The following FUT8 variants were observed in gnomAD, a reference collection of about 807,000 sequenced individuals.
FUT8 encodes fucosyltransferase 8, also known as alpha-(1,6)-fucosyltransferase.
Under a neutral mutation model 71.3 loss-of-function variants are expected in FUT8, and 29 were observed. The ratio of observed to expected loss-of-function variants is 0.41; its 90% CI spans 0.30 to 0.55. FUT8 has a LOEUF of 0.55. FUT8 is among the 20% of genes least tolerant of loss of function. FUT8 has a pLI of 0.34. For synonymous variants in FUT8, 254 were observed against 239.3 expected, an observed-to-expected ratio of 1.06 and a Z score of -0.57; for missense variants, 544 against 702.1, an observed-to-expected ratio of 0.77 and a Z score of 2.55.
At chr14:65,434,464 A>G (rs2065525203) in intron 1 of FUT8, among the ~76,000 whole-genome samples, 1 of 152,248 alleles carries the variant, frequency 6.6e-6, no homozygotes, top group African/African-American at 2.4e-5. Flanking sequence ...AATCGGGGGT[A>G]GTGTCAGTTC....
intron 2 of FUT8, among the ~76,000 whole-genome samples, chr14:65,517,275 C>A (rs1409270971): frequency 6.6e-6 from 1 of 151,960 alleles, no homozygotes; most frequent in Admixed American, 6.6e-5. Flanking sequence ...AGCTAAATAT[C>A]TGAATTTTCA....
In FUT8 at chr14:65,644,361, G is replaced by A. The variant is rs541847073; in HGVS notation, c.597+14755G>A. Among the ~76,000 whole-genome samples the A allele has an allele frequency of 9.2e-5, 14 of 151,878 alleles. No individual in the cohort carries two copies. The East Asian group carries it at 1.7e-3, about 19-fold the overall frequency. ...GCTGGAGTGTAGTGGTGTGATCTCC[G>A]CTCACTGCAAGCTCCACCTCCCAGG... On this transcript the variant is annotated intron_variant, in intron 6 of 10. Transcript: ENST00000673929.
chr14:65,554,357 A>C (rs1885460608), intron 2 of FUT8, among the ~76,000 whole-genome samples: 2 of 149,200 alleles, frequency 1.3e-5, no homozygotes, highest in Non-Finnish European at 3.0e-5. Context: ...ATTCATTTAG[A>C]AGTCTGGTTT....
At chr14:65,692,367 C>CT (rs1594902563) in intron 7 of FUT8, among the ~76,000 whole-genome samples, 1 of 147,408 alleles carries the variant, frequency 6.8e-6, no homozygotes, top group South Asian at 2.2e-4. Flanking sequence ...GCTGACCCCC[C>CT]CACCTCCCTC....
Position 65,646,399 on chromosome 14 carries a change from A to G in FUT8, c.597+16793A>G, listed in dbSNP as rs1290594056. On this transcript the variant is annotated intron_variant, in intron 6 of 10. Transcript: ENST00000673929. ...TGAGTTCTGTCTCTAATACAAAGAT[A>G]TAACAGAGAATGTCCAGATTGCCTC... 3 of 152,260 alleles carry G rather than the reference A, an allele frequency of 2.0e-5. No individual in the cohort carries two copies. In the East Asian group the frequency reaches 5.8e-4, roughly 29 times the overall value. 9.4% of individuals were successfully genotyped at this position (152,260 alleles called of 1,614,324 possible). A position where few individuals can be genotyped will look rare whatever the true frequency, so the allele number is the denominator to read the frequency against.
At chr14:65,672,425 A>G (rs1444904276) in intron 7 of FUT8, among the ~76,000 whole-genome samples, 2 of 152,152 alleles carry the variant, frequency 1.3e-5, no homozygotes, top group African/African-American at 2.4e-5. Context: ...TATGTTTAAT[A>G]GTTTGAAGTA....
rs1257819989 is a variant in FUT8, at chr14:65,743,768, C to T, written c.*1358C>T. 1 of 151,834 alleles carries T rather than the reference C, an allele frequency of 6.6e-6. No homozygotes were observed. Among genetic ancestry groups the T allele is most frequent in the African/African-American group, 2.4e-5 (1 of 41,384 alleles). 9.4% of individuals were successfully genotyped at this position (151,834 alleles called of 1,614,324 possible). A position where few individuals can be genotyped will look rare whatever the true frequency, so the allele number is the denominator to read the frequency against. ...CACTTCAGAAAATAAGACTTTGATG[C>T]TTTGTCTCTGAGCATCATTTTTCTC... On this transcript the variant is annotated 3_prime_UTR_variant, in exon 11 of 11. Transcript: ENST00000673929.
intron 2 of FUT8, among the ~76,000 whole-genome samples, chr14:65,499,121 C>T (rs1237373433): frequency 6.6e-6 from 1 of 152,180 alleles, no homozygotes; most frequent in Non-Finnish European, 1.5e-5. Context: ...CTGTATGTTG[C>T]CCAGGCTGGC....
rs1423986218 is a variant in FUT8 at position 65,603,061 on chromosome 14, A to G, written c.204-12917A>G. Reference sequence around the variant, plus strand: ...GCTTTTGAAGTCTTCGCCTAAGCCAATGTCTAGAAGGATTTTTTCCGATGT... The same window carrying G: ...GCTTTTGAAGTCTTCGCCTAAGCCAGTGTCTAGAAGGATTTTTTCCGATGT... On this transcript the variant is annotated intron_variant, in intron 3 of 10. Transcript: ENST00000673929. The surrounding 1 kb of genome is among the most constrained non-coding windows in gnomAD (Gnocchi z 4.5). 1.3e-5 allele frequency among the ~76,000 whole-genome samples: 2 copies of G among 151,864 alleles called. No individual in the cohort carries two copies. The highest frequency in any genetic ancestry group is 2.9e-5 in the Non-Finnish European group (2 of 67,926).
At chr14:65,636,709 GAGA>G (rs1566867136) in intron 6 of FUT8, 1 of 152,058 alleles carries the variant, frequency 6.6e-6, no homozygotes, top group African/African-American at 2.4e-5. Context: ...GCTCAGTTGT[GAGA>G]AGAAGTTTGG....
At chr14:65,557,361 C>T (rs1190317059) in intron 2 of FUT8, among the ~76,000 whole-genome samples, 3 of 150,368 alleles carry the variant, frequency 2.0e-5, no homozygotes, top group African/African-American at 7.3e-5. Context: ...GAGACAGAGC[C>T]TTGCTCTGTC....
chr14:65,495,825 G>T (rs1294922457), intron 2 of FUT8, among the ~76,000 whole-genome samples: 1 of 152,080 alleles, frequency 6.6e-6, no homozygotes, highest in Non-Finnish European at 1.5e-5. Flanking sequence ...GGGTAAGGAG[G>T]TATTTTGGAA....
chr14:65,561,544 A>T lies in FUT8; in HGVS notation c.-20A>T. 1 of 1,611,492 alleles carries T rather than the reference A, an allele frequency of 6.2e-7. No homozygotes were observed. The highest frequency in any genetic ancestry group is 8.5e-7 in the Non-Finnish European group (1 of 1,178,172). The stretch of plus-strand genomic sequence containing the variant: ...TCTTTGAGCTCCAGGACTCCAGGGA[A>T]GTGAGTTGAAAATCTGAAAATGCGG... On this transcript the variant is annotated 5_prime_UTR_variant, in exon 3 of 11. In the 5' UTR this introduces an upstream ATG that the reference lacks. Coordinates refer to ENST00000673929, the MANE Select transcript of FUT8 (RefSeq NM_001371533.1).
chr14:65,595,602 C>CTT (rs34129010), intron 3 of FUT8, among the ~76,000 whole-genome samples: 2,443 of 81,836 alleles, frequency 0.03, 82 homozygotes, highest in Middle Eastern at 0.037. Context: ...ACACCATTCT[C>CTT]TTTTTTTTTT....
At chr14:65,476,498 A>G (rs1298461991) in intron 2 of FUT8, among the ~76,000 whole-genome samples, 2 of 152,224 alleles carry the variant, frequency 1.3e-5, no homozygotes, top group Non-Finnish European at 2.9e-5. Flanking sequence ...TTAGTGTGTT[A>G]AGTACAACTG....
chr14:65,722,694 A>G (rs903625768), intron 8 of FUT8, among the ~76,000 whole-genome samples: 1 of 152,220 alleles, frequency 6.6e-6, no homozygotes, highest in East Asian at 1.9e-4. Flanking sequence ...TTCCCCAGAA[A>G]AAGAGTGATT....
At position 65,574,661 on chromosome 14, in the gene FUT8, TA is replaced by T. The variant is rs1461310596; in HGVS notation, c.203+12899del. 6.6e-6 allele frequency among the ~76,000 whole-genome samples: 1 copy of T among 152,214 alleles called. No homozygotes were observed. The highest frequency in any genetic ancestry group is 2.4e-5 in the African/African-American group (1 of 41,454). ...TTTAAATGGTGCTTCTTGTCTGTTTTAAAATGTTCTAGAATTGAGGTGGGTA... is the reference window on the plus strand; with the variant it reads ...TTTAAATGGTGCTTCTTGTCTGTTTTAAATGTTCTAGAATTGAGGTGGGTA... On this transcript the variant is annotated intron_variant, in intron 3 of 10. Coordinates refer to ENST00000673929, the MANE Select transcript of FUT8 (RefSeq NM_001371533.1). This position sits in a 1 kb window ranked among gnomAD's most constrained non-coding sequence, Gnocchi z 5.2.
intron 2 of FUT8, among the ~76,000 whole-genome samples, chr14:65,521,017 C>A (rs948647998): frequency 8.6e-5 from 13 of 151,854 alleles, no homozygotes; most frequent in Non-Finnish European, 1.6e-4. Flanking sequence ...AAAAAATAAG[C>A]CCATTCCAGT....
chr14:65,537,514 A>C (rs1346036288), intron 2 of FUT8, among the ~76,000 whole-genome samples: 1 of 152,002 alleles, frequency 6.6e-6, no homozygotes, highest in African/African-American at 2.4e-5. Flanking sequence ...CAGCCTCCTG[A>C]GTAGCTGGGA....
Sources: gnomAD v4.1 joint callset for allele counts (sites outside exome capture counted in the v4.1 genomes callset) on GRCh38, gnomAD v4.1.1 for gene constraint, Gnocchi (gnomAD v3.1) non-coding constraint, MANE v1.5 for transcripts, NCBI Gene and HGNC (gene_info 2026-07-23, HGNC 2026-07-21) for gene names.